Variants in MROH9 observed in about 807,000 individuals in gnomAD.
The protein encoded by MROH9 is maestro heat like repeat family member 9.
Under a neutral mutation model 98.2 loss-of-function variants are expected in MROH9, and 92 were observed. The ratio of observed to expected loss-of-function variants is 0.94; its 90% CI spans 0.79 to 1.11. MROH9 has a LOEUF of 1.11. Among genes scored for constraint, MROH9 ranks in the 50% most tolerant of loss-of-function variants. The probability of loss-of-function intolerance (pLI) is 0.00; values close to 1 mark genes in which losing one functional copy is unlikely to be tolerated. For synonymous variants in MROH9, 397 were observed against 368.9 expected (o/e 1.08, Z -0.87); for missense variants, 1,057 against 1,014.8 (o/e 1.04, Z -0.57).
chr1:171,017,983 C>A (rs1652385508), intron 17 of MROH9, among the ~76,000 whole-genome samples: 1 of 152,180 alleles, frequency 6.6e-6, no homozygotes, highest in African/African-American at 2.4e-5. Flanking sequence ...TTGGAGGAAG[C>A]AAGGCAGACC....
intron 20 of MROH9, among the ~76,000 whole-genome samples, chr1:171,061,181 A>G (rs2101877795): frequency 6.6e-6 from 1 of 152,342 alleles, no homozygotes; most frequent in Non-Finnish European, 1.5e-5. Flanking sequence ...ATTATCACCA[A>G]ACCCATGAGG....
intron 13 of MROH9, among the ~76,000 whole-genome samples, 192 bp from the exon 14 acceptor site, chr1:170,996,315 T>G (rs1471512916): frequency 1.3e-5 from 2 of 152,194 alleles, no homozygotes; most frequent in Non-Finnish European, 2.9e-5. Context: ...TGCCACAATT[T>G]TAATTTAACC....
chr1:170,963,544 G>A (rs1214036190), intron 6 of MROH9, among the ~76,000 whole-genome samples: 1 of 152,088 alleles, frequency 6.6e-6, no homozygotes, highest in African/African-American at 2.4e-5. Flanking sequence ...TATACTTGTT[G>A]CAGCACTATT....
At chr1:170,938,116 C>A (rs1237588666) in intron 1 of MROH9, among the ~76,000 whole-genome samples, 2 of 152,002 alleles carry the variant, frequency 1.3e-5, no homozygotes, top group Non-Finnish European at 2.9e-5. Context: ...ATCAGTCAGT[C>A]CAACCAGCAC....
At chr1:170,962,637 C>G (rs957537885) in intron 6 of MROH9, among the ~76,000 whole-genome samples, 1 of 151,690 alleles carries the variant, frequency 6.6e-6, no homozygotes, top group Non-Finnish European at 1.5e-5. Context: ...TAAATACATA[C>G]AAGTAAAGAA....
At chr1:170,940,253 G>A (rs997899536) in intron 1 of MROH9, among the ~76,000 whole-genome samples, 1 of 152,164 alleles carries the variant, frequency 6.6e-6, no homozygotes, top group African/African-American at 2.4e-5. Flanking sequence ...ATTTCACTGA[G>A]ATAGAAGGCC....
intron 12 of MROH9, 93 bp from the exon 13 acceptor site, chr1:170,995,296 G>A: frequency 7.2e-7 from 1 of 1,396,600 alleles, no homozygotes; most frequent in East Asian, 2.3e-5. Flanking sequence ...TGAAGGAGGG[G>A]TTGCAGAGTC....
Position 170,994,985 on chromosome 1 carries a change from T to C in MROH9, c.1195-404T>C, listed in dbSNP as rs181864547. Among the ~76,000 whole-genome samples, 14 of 150,738 alleles carry C rather than the reference T, an allele frequency of 9.3e-5. No individual in the cohort carries two copies. The East Asian group carries it at 2.7e-3, about 29-fold the overall frequency. ...GTAGTCAATAGGCCAAATGATCTGT[T>C]GGTGACCTGACCTGCCTTCCCCTTA... is the stretch of plus-strand genomic sequence containing the variant. On this transcript the variant is annotated intron_variant, in intron 12 of 21. Coordinates refer to ENST00000367759, the MANE Select transcript of MROH9 (RefSeq NM_001163629.2).
intron 3 of MROH9, among the ~76,000 whole-genome samples, chr1:170,952,101 C>T (rs1156275055): frequency 6.6e-6 from 1 of 151,958 alleles, no homozygotes. Context: ...CAGGAAACAA[C>T]AGGTGCTGGA....
intron 15 of MROH9, among the ~76,000 whole-genome samples, chr1:171,006,022 T>C (rs1221910094): frequency 1.3e-5 from 2 of 152,226 alleles, no homozygotes; most frequent in Admixed American, 6.5e-5. Context: ...TCAAAGTGAG[T>C]TTTACACATT....
intron 17 of MROH9, among the ~76,000 whole-genome samples, chr1:171,020,592 C>T (rs1652484259): frequency 6.6e-6 from 1 of 151,982 alleles, no homozygotes. Context: ...CTCAATAAAC[C>T]TGGTATTGTT....
chr1:170,965,074 G>A lies in MROH9; in HGVS notation c.376-77G>A, dbSNP rs543251359. On this transcript the variant is annotated intron_variant, in intron 6 of 21. Transcript: ENST00000367759. ...AGAATGTAGGAAGGCCTGATTTGGT[G>A]AAGTTGAAGAATAGAGGAAAGGTTC... 33 of 941,478 alleles carry A rather than the reference G, an allele frequency of 3.5e-5. No homozygotes were observed. In the East Asian group the frequency reaches 8.2e-4, roughly 23 times the overall value. The allele number at this position is 941,478 out of a possible 1,614,324, so 58.3% of individuals were successfully genotyped here. A position where few individuals can be genotyped will look rare whatever the true frequency, so the allele number is the denominator to read the frequency against.
chr1:170,979,938 C>A (rs1650860463), intron 8 of MROH9, among the ~76,000 whole-genome samples: 1 of 151,976 alleles, frequency 6.6e-6, no homozygotes, highest in South Asian at 2.1e-4. Context: ...TCCTTTACAC[C>A]AACAATAGGC....
chr1:170,945,527 A>G lies in MROH9; in HGVS notation c.-30A>G, dbSNP rs923349600. ...ACGTGATATTTTTTGCAGCATTACT[A>G]GTAGAAGACTTTAATACACCTCTGT... On this transcript the variant is annotated 5_prime_UTR_variant, in exon 2 of 22. Coordinates refer to ENST00000367759, the MANE Select transcript of MROH9 (RefSeq NM_001163629.2). 6.2e-7 allele frequency: 1 copy of G among 1,611,408 alleles called. No homozygotes were observed. The highest frequency in any genetic ancestry group is 8.5e-7 in the Non-Finnish European group (1 of 1,178,250).
chr1:171,033,445 A>C (rs994436547), intron 20 of MROH9, among the ~76,000 whole-genome samples: 5 of 152,226 alleles, frequency 3.3e-5, no homozygotes, highest in African/African-American at 4.8e-5. Context: ...TCATCAAAAA[A>C]GCACAGTTTC....
At chr1:171,019,585 A>G (rs1187844789) in intron 17 of MROH9, among the ~76,000 whole-genome samples, 2 of 151,750 alleles carry the variant, frequency 1.3e-5, no homozygotes, top group Non-Finnish European at 2.9e-5. Context: ...CAGGAGGCGG[A>G]GGTTGCAGTC....
Position 171,016,313 on chromosome 1 carries a change from A to C in MROH9, c.1885A>C (p.Ser629Arg). ...CTCTTTGGGTACCAGAATTGGTTCC[A>C]GCTACTGTACTCTGATGGATCATGT... ...TYSLGTRIGS[S>R]YCTLMDHING... Residue 629 changes from serine to arginine, a missense_variant, in exon 17 of 22, where the codon AGC becomes CGC. Coordinates refer to ENST00000367759, the MANE Select transcript of MROH9 (RefSeq NM_001163629.2). The C allele has an allele frequency of 6.5e-7, 1 of 1,532,982 alleles. No homozygotes were observed. Among genetic ancestry groups the C allele is most frequent in the African/African-American group, 1.4e-5 (1 of 72,088 alleles). 95.0% of individuals were successfully genotyped at this position (1,532,982 alleles called of 1,614,324 possible). A position where few individuals can be genotyped will look rare whatever the true frequency, so the allele number is the denominator to read the frequency against.
intron 20 of MROH9, among the ~76,000 whole-genome samples, chr1:171,031,566 G>C (rs1448546807): frequency 6.6e-6 from 1 of 152,038 alleles, no homozygotes; most frequent in Non-Finnish European, 1.5e-5. Flanking sequence ...TGAAATTCTG[G>C]GTTGAAAATT....
At chr1:170,939,605 T>G (rs1326070786) in intron 1 of MROH9, among the ~76,000 whole-genome samples, 2 of 152,318 alleles carry the variant, frequency 1.3e-5, no homozygotes, top group South Asian at 2.1e-4. Context: ...CATTTCTTTA[T>G]GTAATTTACT....
Sources: allele counts gnomAD v4.1 joint callset (sites outside exome capture counted in the v4.1 genomes callset), GRCh38; gene constraint gnomAD v4.1.1; transcripts MANE v1.5; gene names NCBI Gene and HGNC (gene_info 2026-07-23, HGNC 2026-07-21).